Variants in SDK2 observed in about 807,000 individuals in gnomAD.
SDK2 encodes the protein protein sidekick-2.
In SDK2, 105 loss-of-function variants were observed where a neutral mutation model predicts 253.9. The ratio of observed to expected loss-of-function variants is 0.41; its 90% confidence interval spans 0.35 to 0.49. The LOEUF (loss-of-function observed/expected upper bound fraction) is 0.49. SDK2 is among the 20% of genes least tolerant of loss of function. The pLI, the probability that SDK2 is intolerant of heterozygous loss-of-function variation, is 0.06. For synonymous variants in SDK2, 1,249 were observed against 1,234.9 expected (o/e 1.01, Z -0.24); for missense variants, 2,608 against 3,003.0 (o/e 0.87, Z 3.07).
At chr17:73,377,761 C>T (rs369834410) in intron 36 of SDK2, among the ~76,000 whole-genome samples, 44 of 149,798 alleles carry the variant, frequency 2.9e-4, no homozygotes, top group Non-Finnish European at 5.3e-4. Flanking sequence ...TACAGGCATG[C>T]GCCACCACAC....
chr17:73,424,757 T>C (rs1173262490), intron 12 of SDK2, among the ~76,000 whole-genome samples: 1 of 152,236 alleles, frequency 6.6e-6, no homozygotes, highest in Non-Finnish European at 1.5e-5. Flanking sequence ...GCCTTGGTTC[T>C]CAGTACAAGT....
chr17:73,469,988 G>GCGCGCA (rs72451018), intron 3 of SDK2, among the ~76,000 whole-genome samples: 2 of 112,366 alleles, frequency 1.8e-5, no homozygotes, highest in African/African-American at 3.8e-5. Context: ...GACTGCGCGC[G>GCGCGCA]CGCGCACACA....
chr17:73,391,312 C>T (rs2062926205), intron 28 of SDK2, 128 bp downstream of exon 28: 2 of 431,276 alleles, frequency 4.6e-6, no homozygotes, highest in East Asian at 7.1e-5. Flanking sequence ...ACCCAGATCC[C>T]ATTCTAGAGG....
chr17:73,585,613 G>C (rs1377245856), intron 1 of SDK2, among the ~76,000 whole-genome samples: 10 of 152,156 alleles, frequency 6.6e-5, no homozygotes, highest in Non-Finnish European at 1.5e-4. Context: ...CTAAAACCCT[G>C]TGGTGTTCCT....
intron 1 of SDK2, among the ~76,000 whole-genome samples, chr17:73,548,141 A>AGAG (rs1251890735): frequency 6.6e-5 from 10 of 152,248 alleles, no homozygotes; most frequent in African/African-American, 2.2e-4. Context: ...GTGAGGACAC[A>AGAG]GAGCCAAACC....
Position 73,414,739 on chromosome 17 carries a change from T to C in SDK2, c.2389A>G (p.Asn797Asp). The C allele has an allele frequency of 6.2e-7, 1 of 1,613,506 alleles. No homozygotes were observed. Among genetic ancestry groups the C allele is most frequent in the Non-Finnish European group, 8.5e-7 (1 of 1,179,694 alleles). ...GAATTGGTGGCTTCCGCGTGCACATTGCCCGGAGGGACCGTGGGAACTAGA... is the reference window on the plus strand; with the variant it reads ...GAATTGGTGGCTTCCGCGTGCACATCGCCCGGAGGGACCGTGGGAACTAGA... ...LQGVPTVPPGNVHAEATNSTT... is the reference protein window; with the variant it reads ...LQGVPTVPPGDVHAEATNSTT... Residue 797 changes from asparagine to aspartate, a missense_variant, in exon 18 of 45, where the codon AAT (asparagine) becomes GAT (aspartate). Asn to Asp is a conservative substitution (Grantham distance 23). This residue lies in a region of SDK2 where 1,505 missense variants were observed against 1,859.1 expected (regional missense o/e 0.81). Transcript: ENST00000392650.
chr17:73,386,685 A>G (rs551668917), intron 30 of SDK2, 137 bp from the exon 31 acceptor site: 487 of 637,480 alleles, frequency 7.6e-4, no homozygotes, highest in Non-Finnish European at 1.2e-3. Flanking sequence ...AGAAGGGCAC[A>G]CTGAGGCTCA....
At chr17:73,575,004 G>C (rs2045439018) in intron 1 of SDK2, among the ~76,000 whole-genome samples, 1 of 152,204 alleles carries the variant, frequency 6.6e-6, no homozygotes, top group Non-Finnish European at 1.5e-5. Flanking sequence ...TGACTGGTTG[G>C]CTAAAGGACT....
At chr17:73,551,179 C>G (rs1023815220) in intron 1 of SDK2, among the ~76,000 whole-genome samples, 1 of 152,198 alleles carries the variant, frequency 6.6e-6, no homozygotes, top group Admixed American at 6.5e-5. Flanking sequence ...GGGGACTCCA[C>G]GCGCACCTTG....
At position 73,643,649 on chromosome 17, in the gene SDK2, C is replaced by G. The variant is rs1380106412; in HGVS notation, c.64+376G>C. On this transcript the variant is annotated intron_variant, in intron 1 of 44. Transcript: ENST00000392650. The surrounding 1 kb of genome is among the most constrained non-coding windows in gnomAD (Gnocchi z 6.9). ...GACACCGAGCAGGGAACCAGGAGCT[C>G]GGTCTGGGAAGCTCAGCGTAGCCGA... 6.6e-6 allele frequency among the ~76,000 whole-genome samples: 1 copy of G among 152,106 alleles called. No homozygotes were observed. The highest frequency in any genetic ancestry group is 1.9e-4 in the East Asian group (1 of 5,144).
At chr17:73,433,415 T>C (rs1329496787) in intron 10 of SDK2, among the ~76,000 whole-genome samples, 2 of 152,140 alleles carry the variant, frequency 1.3e-5, no homozygotes, top group East Asian at 3.9e-4. Context: ...CTTCCCCAAG[T>C]AGCTGGGATT....
At chr17:73,461,070 C>T (rs1418333505) in intron 3 of SDK2, among the ~76,000 whole-genome samples, 2 of 152,240 alleles carry the variant, frequency 1.3e-5, no homozygotes, top group Admixed American at 6.5e-5. Context: ...CTCCCTGCCT[C>T]CTTCCTGAGT....
rs2063521385 is a variant in SDK2 at position 73,455,763 on chromosome 17, C to G, written c.479+143G>C. 10 of 920,868 alleles carry G rather than the reference C, an allele frequency of 1.1e-5. No individual in the cohort carries two copies. Among genetic ancestry groups the G allele is most frequent in the Non-Finnish European group, 1.5e-5 (10 of 649,074 alleles). 57.0% of individuals were successfully genotyped at this position (920,868 alleles called of 1,614,324 possible). ...TCCTAAGAAAGCCCCTGGGAGGTCCCCTACCTGGCTGTGTCCCACAGGAGC... is the reference window on the plus strand; with the variant it reads ...TCCTAAGAAAGCCCCTGGGAGGTCCGCTACCTGGCTGTGTCCCACAGGAGC... On this transcript the variant is annotated intron_variant, in intron 4 of 44. Transcript: ENST00000392650. This position sits in a 1 kb window ranked among gnomAD's most constrained non-coding sequence, Gnocchi z 5.0.
intron 1 of SDK2, among the ~76,000 whole-genome samples, chr17:73,640,271 G>A (rs1222567672): frequency 1.3e-5 from 2 of 151,522 alleles, no homozygotes; most frequent in African/African-American, 2.4e-5. Context: ...TGTGTGTGGG[G>A]GGGTCGAGGG....
intron 1 of SDK2, among the ~76,000 whole-genome samples, chr17:73,619,764 G>C (rs1398828116): frequency 6.6e-6 from 1 of 152,140 alleles, no homozygotes; most frequent in African/African-American, 2.4e-5. Context: ...GTATCAAAGG[G>C]CATGATCAGG....
chr17:73,510,262 C>T (rs539689103), intron 1 of SDK2, among the ~76,000 whole-genome samples: 5 of 152,128 alleles, frequency 3.3e-5, no homozygotes, highest in Non-Finnish European at 7.4e-5. Flanking sequence ...GTCAGCTGGC[C>T]CTGCTGCACA....
intron 3 of SDK2, among the ~76,000 whole-genome samples, chr17:73,469,522 T>C (rs981600780): frequency 1.3e-5 from 2 of 152,188 alleles, no homozygotes; most frequent in Non-Finnish European, 2.9e-5. Context: ...ACCTAGGAAA[T>C]GCCAGGACCT....
chr17:73,530,650 A>T (rs1044404038), intron 1 of SDK2, among the ~76,000 whole-genome samples: 5 of 152,158 alleles, frequency 3.3e-5, no homozygotes, highest in African/African-American at 1.2e-4. Context: ...GGGAGCAATG[A>T]TGTCCAAATG....
At chr17:73,468,542 C>T (rs1462826615) in intron 3 of SDK2, among the ~76,000 whole-genome samples, 5 of 152,020 alleles carry the variant, frequency 3.3e-5, no homozygotes, top group South Asian at 2.1e-4. Context: ...GATGGAGTCT[C>T]GCTCTGTCAC....
Sources: gnomAD v4.1 joint callset for allele counts (sites outside exome capture counted in the v4.1 genomes callset) on GRCh38, gnomAD v4.1.1 for gene constraint, gnomAD v4.1.1 regional missense constraint, Gnocchi (gnomAD v3.1) non-coding constraint, MANE v1.5 for transcripts, NCBI Gene and HGNC (gene_info 2026-07-23, HGNC 2026-07-21) for gene names.